Variants in TWF1 observed in about 807,000 individuals in gnomAD.
TWF1 encodes the protein twinfilin actin binding protein 1, also known as twinfilin-1.
A neutral mutation model predicts 47.9 loss-of-function variants in TWF1; 14 were observed. That is an observed-to-expected ratio of 0.29 (90% CI 0.19 to 0.46). The LOEUF (loss-of-function observed/expected upper bound fraction) is 0.46. Ranked by LOEUF, TWF1 falls within the 20% of genes least tolerant of loss-of-function variation. The pLI is 1.00. For missense variants in TWF1, 281 were observed against 409.3 expected (o/e 0.69, Z 2.70); for synonymous variants, 96 against 139.2 (o/e 0.69, Z 2.18).
intron 3 of TWF1, among the ~76,000 whole-genome samples, chr12:43,801,236 C>A (rs752530209): frequency 6.6e-6 from 1 of 151,930 alleles, no homozygotes; most frequent in Non-Finnish European, 1.5e-5. Context: ...CACGGCTTAC[C>A]GATGGCACAT....
chr12:43,798,510 C>T, intron 5 of TWF1: 3 of 1,442,546 alleles, frequency 2.1e-6, no homozygotes, highest in Non-Finnish European at 1.8e-6. Flanking sequence ...GGAGATTCTA[C>T]AGCATAAATG....
In TWF1 at chr12:43,806,132, G is replaced by C. The variant is rs1280076548; in HGVS notation, c.25+89C>G. The C allele has an allele frequency of 3.3e-6, 5 of 1,527,792 alleles. No homozygotes were observed. The East Asian group carries it at 1.2e-4, about 38-fold the overall frequency. 94.6% of individuals were successfully genotyped at this position (1,527,792 alleles called of 1,614,324 possible). A position where few individuals can be genotyped will look rare whatever the true frequency, so the allele number is the denominator to read the frequency against. The stretch of plus-strand genomic sequence containing the variant: ...GACCGACTTCCGGAGCTCCCGGCCC[G>C]ACTCCAGCCCTGCCGGTCCTGCAGC... On this transcript the variant is annotated intron_variant, in intron 1 of 8. Coordinates refer to ENST00000395510, the MANE Select transcript of TWF1 (RefSeq NM_002822.5).
rs1942566527 is a variant in TWF1, at chr12:43,797,107, C to CAAAT, written c.761-14_761-11dup. On this transcript the variant is annotated splice_polypyrimidine_tract_variant and intron_variant, in intron 7 of 8. Coordinates refer to ENST00000395510, the MANE Select transcript of TWF1 (RefSeq NM_002822.5). ...ATTGAATAAATAAAAACTGTAAGTT[C>CAAAT]AAATAATAACAAATATAATTAGCAT... 1 of 1,572,266 alleles carries CAAAT rather than the reference C, an allele frequency of 6.4e-7. No homozygotes were observed. Among genetic ancestry groups the CAAAT allele is most frequent in the African/African-American group, 1.4e-5 (1 of 72,878 alleles).
rs557665044 is a variant in TWF1, at chr12:43,803,605, T to C, written c.103+890A>G. The stretch of plus-strand genomic sequence containing the variant: ...TAGAGATGCTAGTTAGATTAACTTT[T>C]CCATTTTAGTTCCTTAACTAGTCAC... On this transcript the variant is annotated intron_variant, in intron 2 of 8. Transcript: ENST00000395510. 1.1e-3 allele frequency among the ~76,000 whole-genome samples: 169 copies of C among 152,258 alleles called. 1 individual carries two copies. Among genetic ancestry groups the C allele is most frequent in the African/African-American group, 4.0e-3 (166 of 41,578 alleles).
chr12:43,800,613 C>T, intron 3 of TWF1, 83 bp from the exon 4 acceptor site: 1 of 1,064,070 alleles, frequency 9.4e-7, no homozygotes. Flanking sequence ...ATATTAATAT[C>T]CTGAATCACA....
intron 5 of TWF1, 91 bp from the exon 6 acceptor site, chr12:43,797,924 T>C (rs144360384): frequency 7.4e-7 from 1 of 1,359,498 alleles, no homozygotes; most frequent in African/African-American, 1.5e-5. Context: ...AATAGTATCA[T>C]TCAACCCTAG....
intron 2 of TWF1, 111 bp from the exon 3 acceptor site, chr12:43,802,575 A>G (rs1436773830): frequency 1.2e-6 from 1 of 818,238 alleles, no homozygotes; most frequent in Non-Finnish European, 1.9e-6. Context: ...ACTATTATTC[A>G]CATCAAAAAG....
chr12:43,795,389 C>T lies in TWF1; in HGVS notation c.*196G>A, dbSNP rs1023481675. ...ATTAAACATTATGTTGAACCCTTTT[C>T]TAGCTTTAACTCAAAAATAGAAATC... On this transcript the variant is annotated 3_prime_UTR_variant, in exon 9 of 9. Transcript: ENST00000395510. The T allele has an allele frequency of 1.1e-5, 6 of 528,348 alleles. No individual in the cohort carries two copies. Among genetic ancestry groups the T allele is most frequent in the Admixed American group, 3.2e-5 (1 of 30,826 alleles). The allele number at this position is 528,348 out of a possible 1,614,324, so 32.7% of individuals were successfully genotyped here.
Position 43,796,989 on chromosome 12 carries a change from T to C in TWF1, c.869A>G (p.Asp290Gly), listed in dbSNP as rs1313352546. ...TAGGTGGGCTACCTTTCTAATTACA[T>C]CCATTTGTAGTTGTCTTTCTACAAT... ...LEIVERQLQMDVIRKIEIDNG... is the reference protein window; with the variant it reads ...LEIVERQLQMGVIRKIEIDNG... The change falls in exon 8 of 9, where the codon GAT becomes GGT. Residue 290 changes from aspartate to glycine, a missense_variant. Physicochemically the swap from Asp to Gly is moderately conservative, Grantham distance 94. Coordinates refer to ENST00000395510, the MANE Select transcript of TWF1 (RefSeq NM_002822.5). The C allele has an allele frequency of 2.5e-6, 4 of 1,609,548 alleles. No individual in the cohort carries two copies. The highest frequency in any genetic ancestry group is 3.4e-6 in the Non-Finnish European group (4 of 1,179,078).
At chr12:43,801,317 A>G (rs1020058530) in intron 3 of TWF1, among the ~76,000 whole-genome samples, 2 of 152,214 alleles carry the variant, frequency 1.3e-5, no homozygotes, top group Admixed American at 1.3e-4. Context: ...GAAAGCTACT[A>G]AAGATAACTA....
Position 43,795,662 on chromosome 12 carries a change from G to A in TWF1, c.976C>T (p.Pro326Ser), listed in dbSNP as rs1392272165. Residue 326 changes from proline (P) to serine (S), a missense_variant, in exon 9 of 9, where the codon CCA (proline) becomes TCA (serine). Coordinates refer to ENST00000395510, the MANE Select transcript of TWF1 (RefSeq NM_002822.5). The part of the protein sequence containing the change: ...QHAHKQSFAK[P>S]KGPAGKRGIR... ...CCTCTTTTTCCTGCAGGACCTTTTG[G>A]TTTTGCAAAACTTTGCTTGTGTGCA... 1 of 1,613,490 alleles carries A rather than the reference G, an allele frequency of 6.2e-7. No individual in the cohort carries two copies. Among genetic ancestry groups the A allele is most frequent in the South Asian group, 1.1e-5 (1 of 91,062 alleles).
At chr12:43,802,173 T>C (rs1005610190) in intron 3 of TWF1, 113 bp downstream of exon 3, 5 of 636,114 alleles carry the variant, frequency 7.9e-6, no homozygotes, top group Admixed American at 8.1e-5. Context: ...TTCCTCATGA[T>C]CATTCCCTTC....
chr12:43,797,358 C>T lies in TWF1; in HGVS notation c.704G>A (p.Arg235His), dbSNP rs201989375. Reference sequence around the variant, plus strand: ...ATGTTTATACAGAAAGAAATGGTAACGAGCTGAATCCTTGGGAATCCTCTT... The same window carrying T: ...ATGTTTATACAGAAAGAAATGGTAATGAGCTGAATCCTTGGGAATCCTCTT... ...LPKRIPKDSA[R>H]YHFFLYKHSH... The change falls in exon 7 of 9, where the codon CGT (arginine) becomes CAT (histidine). Residue 235 changes from arginine to histidine, a missense_variant. Coordinates refer to ENST00000395510, the MANE Select transcript of TWF1 (RefSeq NM_002822.5). The T allele has an allele frequency of 1.4e-5, 23 of 1,605,616 alleles. No individual in the cohort carries two copies. The highest frequency in any genetic ancestry group is 1.7e-5 in the Non-Finnish European group (20 of 1,176,590).
intron 4 of TWF1, among the ~76,000 whole-genome samples, chr12:43,799,784 T>TA (rs1942625536): frequency 6.6e-6 from 1 of 152,096 alleles, no homozygotes; most frequent in South Asian, 2.1e-4. Flanking sequence ...GGTCATCCTG[T>TA]AAGTCTATAG....
At chr12:43,795,818 C>A in intron 8 of TWF1, 63 bp from the exon 9 acceptor site, 1 of 1,546,686 alleles carries the variant, frequency 6.5e-7, no homozygotes, top group South Asian at 1.1e-5. Flanking sequence ...AGCTGGTTTT[C>A]AGGTATATGA....
chr12:43,800,758 T>C (rs1942645567), intron 3 of TWF1, among the ~76,000 whole-genome samples: 1 of 152,198 alleles, frequency 6.6e-6, no homozygotes, highest in South Asian at 2.1e-4. Flanking sequence ...TGTCACTTTT[T>C]TTGTTTTTTG....
chr12:43,802,499 G>A, intron 2 of TWF1, 35 bp from the exon 3 acceptor site: 1 of 1,486,372 alleles, frequency 6.7e-7, no homozygotes, highest in Non-Finnish European at 9.3e-7. Flanking sequence ...ATAGGTAAAT[G>A]GTTTGAGATA....
rs1942577593 is a variant in TWF1 at position 43,797,594 on chromosome 12, A to C, written c.609+114T>G. 7.7e-6 allele frequency: 11 copies of C among 1,437,676 alleles called. No homozygotes were observed. In the South Asian group the frequency reaches 1.4e-4, roughly 19 times the overall value. 89.1% of individuals were successfully genotyped at this position (1,437,676 alleles called of 1,614,324 possible). On this transcript the variant is annotated intron_variant, in intron 6 of 8. Coordinates refer to ENST00000395510, the MANE Select transcript of TWF1 (RefSeq NM_002822.5). Reference sequence around the variant, plus strand: ...TTTCACAATGAACATTTACAAAATGAATTTTAGAAATCAGAAAGCTATTTA... The same window carrying C: ...TTTCACAATGAACATTTACAAAATGCATTTTAGAAATCAGAAAGCTATTTA...
chr12:43,802,103 G>A (rs1314226864), intron 3 of TWF1, among the ~76,000 whole-genome samples, 183 bp downstream of exon 3: 1 of 152,114 alleles, frequency 6.6e-6, no homozygotes, highest in Non-Finnish European at 1.5e-5. Context: ...TTGATTTCAA[G>A]GGCAAAACTC....
Sources: gnomAD v4.1 joint callset for allele counts (sites outside exome capture counted in the v4.1 genomes callset) on GRCh38, gnomAD v4.1.1 for gene constraint, MANE v1.5 for transcripts, NCBI Gene and HGNC (gene_info 2026-07-23, HGNC 2026-07-21) for gene names.